The following CFAP107 variants were observed in gnomAD, a reference collection of about 807,000 sequenced individuals.
The protein encoded by CFAP107 is cilia and flagella associated protein 107, also known as cilia- and flagella-associated protein 107.
chr1:12,750,272 C>A, the CFAP107 span, among the ~76,000 whole-genome samples: 3,359 of 151,778 alleles, frequency 0.022, 62 homozygotes, highest in Middle Eastern at 0.095. Context: ...AAAATGTGGC[C>A]CTCAAAAATT....
chr1:12,759,888 A>T, the CFAP107 span, among the ~76,000 whole-genome samples: 13 of 152,238 alleles, frequency 8.5e-5, no homozygotes, highest in East Asian at 2.5e-3. Flanking sequence ...TCCAGGGGGG[A>T]AACAGATAAG....
the CFAP107 span, chr1:12,760,900 G>C: frequency 1.2e-6 from 2 of 1,613,932 alleles, no homozygotes; most frequent in Non-Finnish European, 8.5e-7. Flanking sequence ...CCTGGAGGGA[G>C]CATGCGGTCC....
At chr1:12,758,036 C>G in the CFAP107 span, among the ~76,000 whole-genome samples, 1 of 152,164 alleles carries the variant, frequency 6.6e-6, no homozygotes, top group Non-Finnish European at 1.5e-5. Context: ...CTATCCAGTC[C>G]TAAACTTGTC....
At chr1:12,759,454 T>G in the CFAP107 span, 2 of 1,614,188 alleles carry the variant, frequency 1.2e-6, no homozygotes, top group Non-Finnish European at 1.7e-6. Context: ...GAAGTTGCTG[T>G]GGCTGCCAGA....
the CFAP107 span, among the ~76,000 whole-genome samples, chr1:12,748,234 G>C: frequency 1.3e-5 from 2 of 152,080 alleles, no homozygotes; most frequent in African/African-American, 2.4e-5. Context: ...TTGGAGCTCA[G>C]ATGGGAAAAG....
At chr1:12,754,507 T>C in the CFAP107 span, among the ~76,000 whole-genome samples, 1 of 152,224 alleles carries the variant, frequency 6.6e-6, no homozygotes, top group Admixed American at 6.5e-5. Context: ...ACACTTCTGG[T>C]TGTATGCCTA....
the CFAP107 span, among the ~76,000 whole-genome samples, chr1:12,750,172 T>C: frequency 6.6e-6 from 1 of 152,200 alleles, no homozygotes; most frequent in Non-Finnish European, 1.5e-5. Flanking sequence ...AAATATGTTG[T>C]TATAACTGTA....
the CFAP107 span, chr1:12,759,749 G>A: frequency 1.8e-6 from 1 of 551,184 alleles, no homozygotes; most frequent in Non-Finnish European, 3.3e-6. Context: ...AGGTGGCAGG[G>A]AGCAACATCC....
the CFAP107 span, among the ~76,000 whole-genome samples, chr1:12,747,268 C>T: frequency 6.6e-6 from 1 of 152,008 alleles, no homozygotes; most frequent in African/African-American, 2.4e-5. Flanking sequence ...GGGGCTTCAC[C>T]ATGTTGGCCA....
At chr1:12,755,915 TC>T in the CFAP107 span, 2 of 752,420 alleles carry the variant, frequency 2.7e-6, no homozygotes, top group Non-Finnish European at 2.2e-6. Context: ...TTGGGGGAAA[TC>T]AGGAGTAGTC....
the CFAP107 span, chr1:12,759,230 G>C: frequency 1.3e-6 from 2 of 1,510,374 alleles, no homozygotes; most frequent in Non-Finnish European, 1.8e-6. Context: ...ACCCCTACAT[G>C]TGGCAGCTCC....
chr1:12,755,901 C>G, the CFAP107 span: 1 of 874,426 alleles, frequency 1.1e-6, no homozygotes, highest in Middle Eastern at 2.7e-4. Context: ...GGCTTAGTAC[C>G]GTCTTGGGGG....
the CFAP107 span, chr1:12,759,265 G>A: frequency 1.3e-6 from 2 of 1,596,770 alleles, no homozygotes; most frequent in Admixed American, 3.4e-5. Context: ...CCAGGTGGAT[G>A]CTTCGCTCCT....
the CFAP107 span, among the ~76,000 whole-genome samples, chr1:12,751,337 C>T: frequency 4.6e-5 from 7 of 151,888 alleles, no homozygotes; most frequent in African/African-American, 9.7e-5. Context: ...TCAATAAAAC[C>T]GAGTTGGGAC....
At chr1:12,748,241 A>G in the CFAP107 span, among the ~76,000 whole-genome samples, 1 of 152,100 alleles carries the variant, frequency 6.6e-6, no homozygotes, top group Non-Finnish European at 1.5e-5. Flanking sequence ...TCAGATGGGA[A>G]AAGGTGGCAT....
chr1:12,750,184 G>C, the CFAP107 span, among the ~76,000 whole-genome samples: 1 of 152,056 alleles, frequency 6.6e-6, no homozygotes, highest in Non-Finnish European at 1.5e-5. Flanking sequence ...ATAACTGTAG[G>C]ATATTGTGTA....
chr1:12,753,451 A>T, the CFAP107 span: 1 of 152,164 alleles, frequency 6.6e-6, no homozygotes, highest in Admixed American at 6.5e-5. Context: ...GAAGACTCAC[A>T]TGTCTCAGTT....
the CFAP107 span, among the ~76,000 whole-genome samples, chr1:12,748,653 T>C: frequency 1.3e-5 from 2 of 151,630 alleles, no homozygotes; most frequent in Admixed American, 6.6e-5. Flanking sequence ...AAACGCCCAA[T>C]TTTCAACGAA....
the CFAP107 span, chr1:12,760,635 G>A: frequency 2.3e-6 from 2 of 864,378 alleles, no homozygotes; most frequent in Non-Finnish European, 3.5e-6. Context: ...GTGGGCCTCT[G>A]CCAGCCTTGG....
Sources: allele counts gnomAD v4.1 joint callset (sites outside exome capture counted in the v4.1 genomes callset), GRCh38; gene constraint gnomAD v4.1.1; transcripts MANE v1.5; gene names NCBI Gene and HGNC (gene_info 2026-07-23, HGNC 2026-07-21).